CNTNAP2: variants seen among roughly 807,000 people sequenced by gnomAD.
CNTNAP2 encodes contactin-associated protein-like 2.
A neutral mutation model predicts 155.2 loss-of-function variants in CNTNAP2; 98 were observed. The observed-to-expected ratio is 0.63, with a 90% CI of 0.54 to 0.75. The LOEUF (loss-of-function observed/expected upper bound fraction) is 0.75. Among genes scored for constraint, CNTNAP2 ranks in the 30% least tolerant of loss-of-function variants. The pLI, the probability that CNTNAP2 is intolerant of heterozygous loss-of-function variation, is 0.00. For missense variants in CNTNAP2, 1,727 were observed against 1,688.1 expected (o/e 1.02, Z -0.40); for synonymous variants, 651 against 631.2 (o/e 1.03, Z -0.47).
At chr7:147,056,412 T>C (rs1481670140) in intron 4 of CNTNAP2, among the ~76,000 whole-genome samples, 1 of 152,170 alleles carries the variant, frequency 6.6e-6, no homozygotes, top group Non-Finnish European at 1.5e-5. Context: ...TGCACTTCCA[T>C]AGAAAATATA....
intron 13 of CNTNAP2, among the ~76,000 whole-genome samples, chr7:147,862,770 T>A (rs1157661023): frequency 6.6e-6 from 1 of 152,140 alleles, no homozygotes; most frequent in Non-Finnish European, 1.5e-5. Context: ...ATTACTGTCA[T>A]TTGGAGTATT....
At chr7:146,466,966 A>T (rs1796725522) in intron 1 of CNTNAP2, among the ~76,000 whole-genome samples, 1 of 152,144 alleles carries the variant, frequency 6.6e-6, no homozygotes, top group African/African-American at 2.4e-5. Context: ...TATATTTTTT[A>T]TACATTCAAA....
intron 8 of CNTNAP2, among the ~76,000 whole-genome samples, chr7:147,202,974 T>C (rs1802952373): frequency 6.6e-6 from 1 of 151,732 alleles, no homozygotes; most frequent in African/African-American, 2.4e-5. Flanking sequence ...ATAAGTCTGA[T>C]TCTTACACAT....
intron 8 of CNTNAP2, among the ~76,000 whole-genome samples, chr7:147,223,128 C>T (rs541371490): frequency 3.1e-4 from 47 of 152,148 alleles, no homozygotes; most frequent in Non-Finnish European, 4.8e-4. Context: ...TGACTGGGTC[C>T]TCCTGGAGTT....
At chr7:147,638,136 G>C (rs1472331688) in intron 12 of CNTNAP2, among the ~76,000 whole-genome samples, 2 of 152,106 alleles carry the variant, frequency 1.3e-5, no homozygotes, top group African/African-American at 4.8e-5. Flanking sequence ...TATTCTTGTT[G>C]ATGTTCAGAT....
chr7:147,168,999 G>A (rs781499638), intron 8 of CNTNAP2, among the ~76,000 whole-genome samples: 4 of 152,108 alleles, frequency 2.6e-5, no homozygotes, highest in Non-Finnish European at 2.9e-5. Flanking sequence ...ATTAAACAAT[G>A]CAAAGCACTT....
chr7:147,304,985 G>A (rs574711643), intron 9 of CNTNAP2, among the ~76,000 whole-genome samples: 9 of 152,160 alleles, frequency 5.9e-5, no homozygotes, highest in South Asian at 4.1e-4. Flanking sequence ...GAGAGAGAAA[G>A]ACAGAGAGCA....
chr7:147,094,835 A>G (rs1800493007), intron 4 of CNTNAP2, among the ~76,000 whole-genome samples: 1 of 152,126 alleles, frequency 6.6e-6, no homozygotes, highest in Admixed American at 6.6e-5. Flanking sequence ...CTGCTATAAC[A>G]GAATAATATA....
chr7:146,864,885 C>T (rs960845467), intron 3 of CNTNAP2, among the ~76,000 whole-genome samples: 41 of 151,232 alleles, frequency 2.7e-4, no homozygotes, highest in African/African-American at 1.0e-3. Context: ...CAAGTGGTCC[C>T]AGCTCAAGAG....
In CNTNAP2 at chr7:147,044,056, T is replaced by C; in HGVS notation, c.550+2T>C. 6.2e-7 allele frequency: 1 copy of C among 1,614,126 alleles called. No homozygotes were observed. Among genetic ancestry groups the C allele is most frequent in the Non-Finnish European group, 8.5e-7 (1 of 1,179,980 alleles). ...TTGAAGTTTATGGCTGTTCTTACTG[T>C]GAGTATCGTATTGTTTAAATTTGTG... On this transcript the variant is annotated splice_donor_variant, in intron 4 of 23. Coordinates refer to ENST00000361727, the MANE Select transcript of CNTNAP2 (RefSeq NM_014141.6). LOFTEE classifies it high-confidence loss of function.
rs566680456 is a variant in CNTNAP2 at position 146,239,590 on chromosome 7, G to C, written c.97+122617G>C. ...TGACTTCCCTCCAGCCTACCTCAGT[G>C]CTGTGTTATCCTGTGTATGGACAGA... On this transcript the variant is annotated intron_variant, in intron 1 of 23. Coordinates refer to ENST00000361727, the MANE Select transcript of CNTNAP2 (RefSeq NM_014141.6). 5.3e-5 allele frequency among the ~76,000 whole-genome samples: 8 copies of C among 152,262 alleles called. No homozygotes were observed. The East Asian group carries it at 1.5e-3, about 29-fold the overall frequency.
chr7:146,933,284 C>T (rs1796823931), intron 3 of CNTNAP2, among the ~76,000 whole-genome samples: 1 of 152,032 alleles, frequency 6.6e-6, no homozygotes. Context: ...AATAATGTCG[C>T]ATATCTACAA....
chr7:146,290,220 G>A (rs764007199), intron 1 of CNTNAP2, among the ~76,000 whole-genome samples: 4 of 152,054 alleles, frequency 2.6e-5, no homozygotes, highest in Non-Finnish European at 5.9e-5. Context: ...ACATCCCCAG[G>A]CCTGGGTAAT....
intron 15 of CNTNAP2, among the ~76,000 whole-genome samples, chr7:148,006,316 CTTTTTTTTTTT>C (rs68011639): frequency 8.4e-6 from 1 of 118,994 alleles, no homozygotes; most frequent in Non-Finnish European, 1.8e-5. Flanking sequence ...ATAGGAAGTT[CTTTTTTTTTTT>C]TTTTTTTTTT....
At chr7:147,055,880 G>A (rs1799552474) in intron 4 of CNTNAP2, among the ~76,000 whole-genome samples, 1 of 152,192 alleles carries the variant, frequency 6.6e-6, no homozygotes, top group South Asian at 2.1e-4. Flanking sequence ...ACAAAGTTGG[G>A]AGGGGAGCTT....
intron 8 of CNTNAP2, among the ~76,000 whole-genome samples, chr7:147,226,587 T>C (rs1296778367): frequency 6.6e-6 from 1 of 152,138 alleles, no homozygotes; most frequent in African/African-American, 2.4e-5. Flanking sequence ...ATGTGCATTT[T>C]GAATTCAACA....
intron 3 of CNTNAP2, among the ~76,000 whole-genome samples, chr7:147,022,607 G>GTTT (rs147330335): frequency 3.0e-5 from 4 of 134,540 alleles, no homozygotes; most frequent in East Asian, 2.0e-4. Context: ...ACAAACACAT[G>GTTT]GTTTTTTTTT....
chr7:147,152,534 T>G (rs1314947256), intron 8 of CNTNAP2, among the ~76,000 whole-genome samples: 1 of 152,104 alleles, frequency 6.6e-6, no homozygotes, highest in African/African-American at 2.4e-5. Context: ...ATTAGACTTC[T>G]TGTTGTTATT....
chr7:146,126,785 T>C (rs1214070863), intron 1 of CNTNAP2, among the ~76,000 whole-genome samples: 1 of 152,238 alleles, frequency 6.6e-6, no homozygotes, highest in Non-Finnish European at 1.5e-5. Context: ...TTTCCTTTGC[T>C]TTCATGGCAG....
Sources: gnomAD v4.1 joint callset for allele counts (sites outside exome capture counted in the v4.1 genomes callset) on GRCh38, gnomAD v4.1.1 for gene constraint, MANE v1.5 for transcripts, NCBI Gene and HGNC (gene_info 2026-07-23, HGNC 2026-07-21) for gene names.